The following CCSER1 variants were observed in gnomAD, a reference collection of about 807,000 sequenced individuals.
CCSER1 encodes coiled-coil serine rich protein 1, also known as serine-rich coiled-coil domain-containing protein 1.
A neutral mutation model predicts 82.0 loss-of-function variants in CCSER1; 41 were observed. The ratio of observed to expected loss-of-function variants is 0.50; its 90% CI spans 0.39 to 0.65. The LOEUF (loss-of-function observed/expected upper bound fraction) is 0.65, where lower values mean the gene tolerates loss of function less well. Among genes scored for constraint, CCSER1 ranks in the 30% least tolerant of loss-of-function variants. The pLI is 0.00. For missense variants in CCSER1, 1,119 were observed against 1,064.2 expected (o/e 1.05, Z -0.72); for synonymous variants, 414 against 383.9 (o/e 1.08, Z -0.92).
At chr4:90,596,405 A>C (rs186355609) in intron 5 of CCSER1, among the ~76,000 whole-genome samples, 1 of 152,010 alleles carries the variant, frequency 6.6e-6, no homozygotes, top group Non-Finnish European at 1.5e-5. Flanking sequence ...TGTTAAATAT[A>C]CTGATTTAAA....
intron 4 of CCSER1, among the ~76,000 whole-genome samples, chr4:90,466,349 T>TAG (rs1763644147): frequency 6.6e-6 from 1 of 152,240 alleles, no homozygotes; most frequent in Non-Finnish European, 1.5e-5. Context: ...CCATAGGCCA[T>TAG]GAACCTGTGA....
chr4:90,826,568 A>G (rs1373316882), intron 8 of CCSER1, among the ~76,000 whole-genome samples: 2 of 152,178 alleles, frequency 1.3e-5, no homozygotes, highest in Non-Finnish European at 2.9e-5. Context: ...TTTACTTTTT[A>G]TAATACAATT....
rs554481122 is a variant in CCSER1, at chr4:91,496,864, G to C, written c.2218-101708G>C. Among the ~76,000 whole-genome samples, 202 of 123,798 alleles carry C rather than the reference G, an allele frequency of 1.6e-3. 1 individual carries two copies. The highest frequency in any genetic ancestry group is 5.5e-3 in the African/African-American group (184 of 33,454). 81.2% of individuals were successfully genotyped at this position (123,798 alleles called of 152,430 possible). ...ATATATATATATTCAAATATATATT[G>C]AATATATATATTCAATTCAAATACA... On this transcript the variant is annotated intron_variant, in intron 10 of 10. Coordinates refer to ENST00000509176, the MANE Select transcript of CCSER1 (RefSeq NM_001145065.2).
intron 5 of CCSER1, among the ~76,000 whole-genome samples, chr4:90,614,306 AC>A (rs1406740606): frequency 6.6e-6 from 1 of 152,078 alleles, no homozygotes; most frequent in African/African-American, 2.4e-5. Context: ...TCCCTAAGAC[AC>A]AACAATATTG....
At chr4:91,356,392 A>T (rs1393889147) in intron 10 of CCSER1, among the ~76,000 whole-genome samples, 1 of 152,252 alleles carries the variant, frequency 6.6e-6, no homozygotes, top group Non-Finnish European at 1.5e-5. Flanking sequence ...CATCTACCAA[A>T]ATATTGACTT....
chr4:90,411,318 C>T (rs897568965), intron 4 of CCSER1, among the ~76,000 whole-genome samples: 5 of 151,962 alleles, frequency 3.3e-5, no homozygotes, highest in Admixed American at 6.6e-5. Flanking sequence ...AGAGACACAA[C>T]AAAAAAAGAG....
At chr4:90,971,101 TA>T (rs1735062670) in intron 9 of CCSER1, among the ~76,000 whole-genome samples, 1 of 151,662 alleles carries the variant, frequency 6.6e-6, no homozygotes, top group South Asian at 2.1e-4. Flanking sequence ...AGAAAAATAA[TA>T]AAAAAGATCA....
chr4:91,176,457 T>G (rs1015703991), intron 10 of CCSER1, among the ~76,000 whole-genome samples: 5 of 152,170 alleles, frequency 3.3e-5, no homozygotes, highest in African/African-American at 1.2e-4. Context: ...TATCCATAAT[T>G]ATGTAACATT....
chr4:90,648,115 T>C (rs1727922897), intron 6 of CCSER1, among the ~76,000 whole-genome samples: 1 of 152,032 alleles, frequency 6.6e-6, no homozygotes, highest in East Asian at 1.9e-4. Flanking sequence ...AATTATTTTA[T>C]AGGCTCCTTA....
chr4:91,360,332 G>A (rs1247039308), intron 10 of CCSER1, among the ~76,000 whole-genome samples: 1 of 151,754 alleles, frequency 6.6e-6, no homozygotes, highest in Middle Eastern at 3.2e-3. Context: ...GATTTAAACT[G>A]TGTAGACATT....
At chr4:90,972,766 A>G (rs1735235998) in intron 9 of CCSER1, among the ~76,000 whole-genome samples, 1 of 151,752 alleles carries the variant, frequency 6.6e-6, no homozygotes, top group African/African-American at 2.4e-5. Context: ...AAAATATATT[A>G]TTAAAATAAA....
At chr4:91,385,022 G>T (rs767298626) in intron 10 of CCSER1, among the ~76,000 whole-genome samples, 2 of 151,980 alleles carry the variant, frequency 1.3e-5, no homozygotes, top group African/African-American at 4.8e-5. Context: ...AGAGAACTTG[G>T]CAATATATAA....
In CCSER1 at chr4:90,207,164, T is replaced by C. The variant is rs577173559; in HGVS notation, c.-42+79333T>C. Among the ~76,000 whole-genome samples, 244 of 152,240 alleles carry C rather than the reference T, an allele frequency of 1.6e-3. 1 individual carries two copies. Among genetic ancestry groups the C allele is most frequent in the Non-Finnish European group, 2.9e-3 (199 of 68,016 alleles). On this transcript the variant is annotated intron_variant, in intron 1 of 10. Coordinates refer to ENST00000509176, the MANE Select transcript of CCSER1 (RefSeq NM_001145065.2). The stretch of plus-strand genomic sequence containing the variant: ...CAATTTGCCGGTCTGTGTCTTTTAA[T>C]TGGGGCATTTAGCCTGTTTACATTT...
At chr4:90,811,906 TATATACAC>T (rs1430844327) in intron 7 of CCSER1, among the ~76,000 whole-genome samples, 5 of 76,288 alleles carry the variant, frequency 6.6e-5, no homozygotes, top group East Asian at 3.9e-4. Context: ...ATGGAATATA[TATATACAC>T]ACACACACAC....
intron 10 of CCSER1, among the ~76,000 whole-genome samples, chr4:91,491,117 TAAG>T (rs1365788987): frequency 2.0e-5 from 3 of 151,062 alleles, no homozygotes; most frequent in African/African-American, 4.9e-5. Flanking sequence ...TTAATAAAGT[TAAG>T]AAGTAATTTG....
chr4:90,782,135 C>T, intron 7 of CCSER1: 1 of 247,940 alleles, frequency 4.0e-6, no homozygotes, highest in Non-Finnish European at 6.4e-6. Context: ...TGCATATTTC[C>T]TGGTCGGCCT....
chr4:90,959,631 G>A (rs1357524104), intron 9 of CCSER1, among the ~76,000 whole-genome samples: 2 of 152,000 alleles, frequency 1.3e-5, no homozygotes, highest in Non-Finnish European at 2.9e-5. Flanking sequence ...AGGCATCATA[G>A]AATTGAATAA....
chr4:91,231,770 T>A (rs1250051577), intron 10 of CCSER1, among the ~76,000 whole-genome samples: 2 of 151,654 alleles, frequency 1.3e-5, no homozygotes, highest in African/African-American at 4.8e-5. Context: ...CACAATAATA[T>A]CCAGGTATCA....
At chr4:90,549,318 C>A (rs1335946967) in intron 5 of CCSER1, among the ~76,000 whole-genome samples, 3 of 152,144 alleles carry the variant, frequency 2.0e-5, no homozygotes, top group Non-Finnish European at 4.4e-5. Flanking sequence ...ACTCCTCTTT[C>A]AACAAACTTT....
Sources: gnomAD v4.1 joint callset for allele counts (sites outside exome capture counted in the v4.1 genomes callset) on GRCh38, gnomAD v4.1.1 for gene constraint, MANE v1.5 for transcripts, NCBI Gene and HGNC (gene_info 2026-07-23, HGNC 2026-07-21) for gene names.